Variants in PTPRD observed in about 807,000 individuals in gnomAD.
PTPRD encodes receptor-type tyrosine-protein phosphatase delta.
Under a neutral mutation model 214.5 loss-of-function variants are expected in PTPRD, and 34 were observed. That is an observed-to-expected ratio of 0.16 (90% CI 0.12 to 0.21). The LOEUF (loss-of-function observed/expected upper bound fraction) is 0.21. PTPRD is among the 10% of genes least tolerant of loss of function. The pLI, the probability that PTPRD is intolerant of heterozygous loss-of-function variation, is 1.00. For synonymous variants in PTPRD, 1,128 were observed against 845.7 expected (o/e 1.33, Z -5.79); for missense variants, 2,545 against 2,398.7 (o/e 1.06, Z -1.27).
chr9:8,837,787 C>A (rs2097465888), intron 11 of PTPRD, among the ~76,000 whole-genome samples: 1 of 152,160 alleles, frequency 6.6e-6, no homozygotes, highest in Non-Finnish European at 1.5e-5. Flanking sequence ...CAAGTGTGAG[C>A]CACCGCAGCC....
intron 9 of PTPRD, among the ~76,000 whole-genome samples, chr9:9,215,648 C>T (rs1485489483): frequency 6.6e-6 from 1 of 152,078 alleles, no homozygotes; most frequent in Non-Finnish European, 1.5e-5. Flanking sequence ...AAGGGAGCAG[C>T]TCCTCAGGGG....
At chr9:8,980,007 TAC>T (rs940508562) in intron 11 of PTPRD, among the ~76,000 whole-genome samples, 13 of 150,924 alleles carry the variant, frequency 8.6e-5, no homozygotes, top group African/African-American at 1.9e-4. Flanking sequence ...GTGGTGTGTG[TAC>T]ACACACACAC....
intron 8 of PTPRD, among the ~76,000 whole-genome samples, chr9:9,419,078 T>C (rs891960111): frequency 1.3e-5 from 2 of 151,064 alleles, no homozygotes; most frequent in African/African-American, 4.9e-5. Context: ...AGTATTCTAT[T>C]GTACAACTGG....
At chr9:9,980,612 AAAAAACAAAAAAAAAAAAAAAAC>A (rs2095508820) in intron 4 of PTPRD, among the ~76,000 whole-genome samples, 2 of 20,808 alleles carry the variant, frequency 9.6e-5, no homozygotes, top group South Asian at 1.4e-3. Context: ...CCTTGTCAAA[AAAAAACAAAAAAAAAAAAAAAAC>A]AAAAAAAAAA....
intron 39 of PTPRD, among the ~76,000 whole-genome samples, chr9:8,348,574 G>T (rs1385428966): frequency 2.0e-5 from 3 of 152,028 alleles, no homozygotes; most frequent in African/African-American, 7.2e-5. Flanking sequence ...AAGTAATTGG[G>T]GGTTGTTTCT....
At chr9:8,825,478 T>C (rs536564298) in intron 11 of PTPRD, among the ~76,000 whole-genome samples, 3 of 152,156 alleles carry the variant, frequency 2.0e-5, no homozygotes, top group Non-Finnish European at 4.4e-5. Flanking sequence ...ATGCTCTAAA[T>C]TTTTTTATAG....
At chr9:9,389,900 AGTATTAAAGGCTG>A (rs536484125) in intron 9 of PTPRD, among the ~76,000 whole-genome samples, 16 of 152,300 alleles carry the variant, frequency 1.1e-4, no homozygotes, top group African/African-American at 3.6e-4. Context: ...TATAGATTCT[AGTATTAAAGGCTG>A]GACAAATAAA....
At chr9:8,707,881 T>G (rs999203043) in intron 12 of PTPRD, among the ~76,000 whole-genome samples, 19 of 152,226 alleles carry the variant, frequency 1.2e-4, no homozygotes, top group African/African-American at 4.6e-4. Context: ...CTATACTGGT[T>G]GTGTATTGTC....
At chr9:9,958,087 A>T (rs553717774) in intron 4 of PTPRD, among the ~76,000 whole-genome samples, 4 of 152,330 alleles carry the variant, frequency 2.6e-5, no homozygotes, top group African/African-American at 9.6e-5. Flanking sequence ...CTTAAAATAG[A>T]TCAAACACCT....
chr9:8,563,174 A>G (rs1593894958), intron 14 of PTPRD, among the ~76,000 whole-genome samples: 1 of 152,346 alleles, frequency 6.6e-6, no homozygotes, highest in East Asian at 1.9e-4. Context: ...AAAGTCTACA[A>G]TAAAAATTAA....
chr9:9,594,414 T>C (rs2093074453), intron 7 of PTPRD, among the ~76,000 whole-genome samples: 1 of 152,084 alleles, frequency 6.6e-6, no homozygotes, highest in Non-Finnish European at 1.5e-5. Context: ...AGGTCTTAGA[T>C]TTAAGTCCTT....
chr9:10,030,474 C>T (rs554894667), intron 4 of PTPRD, among the ~76,000 whole-genome samples: 24 of 152,104 alleles, frequency 1.6e-4, no homozygotes, highest in South Asian at 6.2e-4. Context: ...TTGAGTATCA[C>T]GAGATAGAAA....
chr9:9,480,450 G>A (rs892659334), intron 8 of PTPRD, among the ~76,000 whole-genome samples: 1 of 152,014 alleles, frequency 6.6e-6, no homozygotes, highest in Admixed American at 6.6e-5. Flanking sequence ...CACAATGAAA[G>A]CTTATACATT....
chr9:10,299,341 A>G (rs1015485036), intron 3 of PTPRD, among the ~76,000 whole-genome samples: 11 of 152,290 alleles, frequency 7.2e-5, no homozygotes, highest in African/African-American at 2.6e-4. Context: ...TGTGCTTTCA[A>G]TGCCAGAATG....
intron 7 of PTPRD, among the ~76,000 whole-genome samples, chr9:9,653,019 C>T (rs973043247): frequency 6.6e-6 from 1 of 152,054 alleles, no homozygotes; most frequent in Admixed American, 6.6e-5. Context: ...AATCAAAGCC[C>T]CTATTTTTCC....
chr9:9,571,287 CA>C (rs1445673606), intron 8 of PTPRD, among the ~76,000 whole-genome samples: 1 of 150,766 alleles, frequency 6.6e-6, no homozygotes, highest in African/African-American at 2.4e-5. Context: ...TTAAAACAAA[CA>C]AAAAAAGATA....
chr9:9,366,138 G>C (rs1036603161), intron 9 of PTPRD, among the ~76,000 whole-genome samples: 2 of 151,220 alleles, frequency 1.3e-5, no homozygotes, highest in Admixed American at 1.3e-4. Context: ...TATATGGAAG[G>C]AACTCCTGTG....
intron 9 of PTPRD, among the ~76,000 whole-genome samples, chr9:9,220,411 A>G (rs938689558): frequency 6.6e-6 from 1 of 151,850 alleles, no homozygotes; most frequent in African/African-American, 2.4e-5. Flanking sequence ...TTACCAAATG[A>G]AGGCCAATAC....
chr9:9,612,308 T>C (rs1169285270), intron 7 of PTPRD, among the ~76,000 whole-genome samples: 1 of 152,196 alleles, frequency 6.6e-6, no homozygotes, highest in Non-Finnish European at 1.5e-5. Flanking sequence ...CTTGTGAGTA[T>C]GCTTACTGTT....
Sources: allele counts gnomAD v4.1 joint callset (sites outside exome capture counted in the v4.1 genomes callset), GRCh38; gene constraint gnomAD v4.1.1; transcripts MANE v1.5; gene names NCBI Gene and HGNC (gene_info 2026-07-23, HGNC 2026-07-21).